PFKFB1: variants seen among roughly 807,000 people sequenced by gnomAD.
The protein encoded by PFKFB1 is 6-phosphofructo-2-kinase/fructose-2,6-biphosphatase 1.
In PFKFB1, 34 loss-of-function variants were observed where a neutral mutation model predicts 46.4. The observed-to-expected ratio is 0.73, with a 90% CI of 0.56 to 0.98. The LOEUF is 0.98. Ranked by LOEUF, PFKFB1 falls within the 50% of genes least tolerant of loss-of-function variation. The pLI is 0.00. For synonymous variants in PFKFB1, 119 were observed against 133.8 expected, an observed-to-expected ratio of 0.89 and a Z score of 0.76; for missense variants, 393 against 376.3, an observed-to-expected ratio of 1.04 and a Z score of -0.37.
At chrX:54,951,035 C>T (rs1304180569) in intron 8 of PFKFB1, among the ~76,000 whole-genome samples, 1 of 113,157 alleles carries the variant, frequency 8.8e-6, no homozygotes, top group Non-Finnish European at 1.9e-5. Flanking sequence ...CAGATGGCAC[C>T]GTGACTGTGC....
chrX:54,955,939 C>G (rs771504940), intron 7 of PFKFB1, among the ~76,000 whole-genome samples: 8 of 111,992 alleles, frequency 7.1e-5, no homozygotes, highest in African/African-American at 1.9e-4. Context: ...TCATATTGCT[C>G]AGGAAAGCAC....
chrX:54,937,704 C>G lies in PFKFB1; in HGVS notation c.1119G>C (p.Gln373His). 1 of 1,208,621 alleles carries G rather than the reference C, an allele frequency of 8.3e-7. No individual in the cohort carries two copies. The highest frequency in any genetic ancestry group is 1.7e-5 in the African/African-American group (1 of 57,789). Residue 373 changes from glutamine (Q) to histidine (H), a missense_variant, in exon 11 of 14, where the codon CAG becomes CAC. Transcript: ENST00000375006. ...GCTCCATTATCACTGGCTCCAGACG[C>G]TGAACCAGATCCTCATAGGACTAAA... is the stretch of plus-strand genomic sequence containing the variant. ...PKGESYEDLV[Q>H]RLEPVIMELE...
intron 11 of PFKFB1, among the ~76,000 whole-genome samples, chrX:54,935,865 G>T (rs1325091085): frequency 9.0e-6 from 1 of 111,373 alleles, no homozygotes; most frequent in South Asian, 3.8e-4. Context: ...TGCACATAAC[G>T]CTACCCATTT....
chrX:54,960,761 A>G (rs746223774), intron 3 of PFKFB1, 63 bp downstream of exon 3: 6 of 744,410 alleles, frequency 8.1e-6, no homozygotes, highest in East Asian at 7.2e-5. Flanking sequence ...TACTCCCCCA[A>G]TATCTGAACA....
intron 1 of PFKFB1, among the ~76,000 whole-genome samples, chrX:54,990,150 AAGT>A (rs1451143522): frequency 4.5e-5 from 5 of 111,201 alleles, no homozygotes; most frequent in Non-Finnish European, 9.4e-5. Context: ...AATCCAAAGA[AAGT>A]AGGAGAAACA....
At position 54,952,129 on chromosome X, in the gene PFKFB1, C is replaced by G; in HGVS notation, c.639-17G>C. ...GACAGGTGGCTGGGCCAGACCCAAG[C>G]AGGAGCAAGGGCAGCTCAGGGGCTA... On this transcript the variant is annotated splice_polypyrimidine_tract_variant and intron_variant, in intron 7 of 13. Transcript: ENST00000375006. 1 of 1,181,842 alleles carries G rather than the reference C, an allele frequency of 8.5e-7. No individual in the cohort carries two copies. Among genetic ancestry groups the G allele is most frequent in the African/African-American group, 1.7e-5 (1 of 57,271 alleles).
chrX:54,988,661 C>G (rs961935864), intron 1 of PFKFB1, among the ~76,000 whole-genome samples: 3 of 111,597 alleles, frequency 2.7e-5, no homozygotes, highest in African/African-American at 9.8e-5. Flanking sequence ...TGGAATAGAA[C>G]TGAGAGCCCA....
chrX:54,956,819 C>T (rs1208765604), intron 6 of PFKFB1, among the ~76,000 whole-genome samples: 1 of 110,351 alleles, frequency 9.1e-6, no homozygotes, highest in Non-Finnish European at 1.9e-5. Flanking sequence ...TATCATCCCT[C>T]ACCTCTTAGC....
In PFKFB1 at chrX:54,933,295, G is replaced by T. The variant is rs1353402876; in HGVS notation, c.*108C>A. ...GTTGCGGAGGACTTCTTCACTGGAA[G>T]TGGGGTGCCTCAGTGAGGCCAAGGC... On this transcript the variant is annotated 3_prime_UTR_variant, in exon 14 of 14. Transcript: ENST00000375006. The T allele has an allele frequency of 6.4e-6, 4 of 628,090 alleles. No individual in the cohort carries two copies. In the African/African-American group the frequency reaches 6.6e-5, roughly 10 times the overall value. The allele number at this position is 628,090 out of a possible 1,213,427, so 51.8% of individuals were successfully genotyped here. A position where few individuals can be genotyped will look rare whatever the true frequency, so the allele number is the denominator to read the frequency against.
At chrX:54,994,365 C>T, upstream of PFKFB1, 1 of 754,157 alleles carries the variant, frequency 1.3e-6, no homozygotes, top group Non-Finnish European at 1.6e-6. Context: ...CCAGTCACTT[C>T]CCTCCAATGA....
At chrX:54,953,645 A>G (rs1934052102) in intron 7 of PFKFB1, among the ~76,000 whole-genome samples, 1 of 111,259 alleles carries the variant, frequency 9.0e-6, no homozygotes, top group Non-Finnish European at 1.9e-5. Context: ...TATCTGATGT[A>G]AACTTGTTGC....
At chrX:54,976,961 G>A (rs1312885314) in intron 1 of PFKFB1, among the ~76,000 whole-genome samples, 2 of 110,788 alleles carry the variant, frequency 1.8e-5, no homozygotes, top group African/African-American at 6.5e-5. Flanking sequence ...GAACTGCTCA[G>A]TAGTTGCCAG....
At chrX:54,967,243 C>A (rs1445470039) in intron 1 of PFKFB1, among the ~76,000 whole-genome samples, 1 of 112,095 alleles carries the variant, frequency 8.9e-6, no homozygotes, top group Non-Finnish European at 1.9e-5. Flanking sequence ...TGGAAAAAGA[C>A]AACAGACATG....
At position 54,949,326 on chromosome X, in the gene PFKFB1, A is replaced by G. The variant is rs1234148351; in HGVS notation, c.847-105T>C. 3 of 598,615 alleles carry G rather than the reference A, an allele frequency of 5.0e-6. No individual in the cohort carries two copies. In the East Asian group the frequency reaches 1.1e-4, roughly 22 times the overall value. 49.3% of individuals were successfully genotyped at this position (598,615 alleles called of 1,213,427 possible). A position where few individuals can be genotyped will look rare whatever the true frequency, so the allele number is the denominator to read the frequency against. On this transcript the variant is annotated intron_variant, in intron 8 of 13. Coordinates refer to ENST00000375006, the MANE Select transcript of PFKFB1 (RefSeq NM_002625.4). Reference sequence around the variant, plus strand: ...CAGATCTGCCACAAATTGAGTGGTGATGAACAAGCAGAGCAAAGAGTTTAA... The same window carrying G: ...CAGATCTGCCACAAATTGAGTGGTGGTGAACAAGCAGAGCAAAGAGTTTAA...
intron 3 of PFKFB1, 91 bp downstream of exon 3, chrX:54,960,733 G>GT (rs1198180465): frequency 1.9e-6 from 1 of 527,004 alleles, no homozygotes; most frequent in African/African-American, 2.3e-5. Context: ...CTCCTTTCTG[G>GT]TCCAGATTAT....
chrX:54,938,936 C>T, intron 10 of PFKFB1, among the ~76,000 whole-genome samples: 1 of 112,005 alleles, frequency 8.9e-6, no homozygotes, highest in Non-Finnish European at 1.9e-5. Context: ...ATAGAATACA[C>T]ATTCTTCTCA....
intron 1 of PFKFB1, among the ~76,000 whole-genome samples, chrX:54,965,977 G>T (rs1030335634): frequency 1.8e-5 from 2 of 109,931 alleles, no homozygotes; most frequent in Non-Finnish European, 3.8e-5. Context: ...ATAAAATAAT[G>T]AAAGGCAGAA....
chrX:54,938,924 C>A (rs1933507671), intron 10 of PFKFB1, among the ~76,000 whole-genome samples: 1 of 111,935 alleles, frequency 8.9e-6, no homozygotes, highest in African/African-American at 3.3e-5. Context: ...CACCCCAAAT[C>A]AATAGAATAC....
At chrX:54,946,568 C>A (rs772106091) in intron 9 of PFKFB1, among the ~76,000 whole-genome samples, 1 of 111,887 alleles carries the variant, frequency 8.9e-6, no homozygotes, top group South Asian at 3.8e-4. Context: ...ACAAACATCT[C>A]TGCAGTGTGA....
Sources: allele counts gnomAD v4.1 joint callset (sites outside exome capture counted in the v4.1 genomes callset), GRCh38; gene constraint gnomAD v4.1.1; transcripts MANE v1.5; gene names NCBI Gene and HGNC (gene_info 2026-07-23, HGNC 2026-07-21).